Variants in CAMTA1 observed in about 807,000 individuals in gnomAD.
CAMTA1 encodes calmodulin-binding transcription activator 1.
Under a neutral mutation model 170.9 loss-of-function variants are expected in CAMTA1, and 27 were observed. The observed-to-expected ratio is 0.16, with a 90% CI of 0.12 to 0.22. The LOEUF is 0.22. Ranked by LOEUF, CAMTA1 falls within the 10% of genes least tolerant of loss-of-function variation. The pLI is 1.00. For missense variants in CAMTA1, 1,619 were observed against 2,217.2 expected (o/e 0.73, Z 5.42); for synonymous variants, 833 against 891.5 (o/e 0.93, Z 1.17).
chr1:7,714,078 A>G (rs1377503700), intron 11 of CAMTA1, among the ~76,000 whole-genome samples: 1 of 152,188 alleles, frequency 6.6e-6, no homozygotes, highest in African/African-American at 2.4e-5. Context: ...GAAAGATATT[A>G]TCTATGCAAG....
chr1:7,352,026 A>G (rs2084714106), intron 5 of CAMTA1, among the ~76,000 whole-genome samples: 1 of 151,632 alleles, frequency 6.6e-6, no homozygotes. Flanking sequence ...CCATCGGGAA[A>G]GCGCCAGGTC....
chr1:7,720,985 T>C (rs2096646094), intron 11 of CAMTA1, among the ~76,000 whole-genome samples: 1 of 152,222 alleles, frequency 6.6e-6, no homozygotes, highest in Non-Finnish European at 1.5e-5. Flanking sequence ...GAGCGGAGGC[T>C]GCTCAGGGTT....
chr1:7,250,906 C>A (rs923242022), intron 5 of CAMTA1, among the ~76,000 whole-genome samples: 1 of 152,166 alleles, frequency 6.6e-6, no homozygotes, highest in Non-Finnish European at 1.5e-5. Context: ...TCTGGGCGCA[C>A]CTCTAGGACG....
intron 6 of CAMTA1, among the ~76,000 whole-genome samples, chr1:7,511,867 AT>A (rs2094206166): frequency 6.6e-6 from 1 of 152,158 alleles, no homozygotes; most frequent in African/African-American, 2.4e-5. Context: ...CTAATACACC[AT>A]CCCCTGGGAG....
Position 7,745,923 on chromosome 1 carries a change from T to C in CAMTA1, c.4449T>C (p.Ala1483=). The C allele has an allele frequency of 6.2e-7, 1 of 1,614,204 alleles. No individual in the cohort carries two copies. The highest frequency in any genetic ancestry group is 1.1e-5 in the South Asian group (1 of 91,076). ...TTGGCTCTCCCGTCAGTGAAATCGCTTTCGAGAAACCTAACCTTCCCTCCG... is the reference window on the plus strand; with the variant it reads ...TTGGCTCTCCCGTCAGTGAAATCGCCTTCGAGAAACCTAACCTTCCCTCCG... ...SPVGSPVSEI[A]FEKPNLPSAA... Residue 1483 remains alanine (A), a synonymous_variant, in exon 18 of 23, where the codon GCT becomes GCC. Transcript: ENST00000303635.
rs1323024662 is a variant in CAMTA1, at chr1:6,820,222, T to C, written c.87T>C (p.Cys29=). 6.2e-7 allele frequency: 1 copy of C among 1,613,674 alleles called. No homozygotes were observed. Among genetic ancestry groups the C allele is most frequent in the Non-Finnish European group, 8.5e-7 (1 of 1,179,556 alleles). Residue 29 remains cysteine (C), a synonymous_variant, in exon 2 of 23, where the codon TGT becomes TGC. Transcript: ENST00000303635. The part of the protein sequence containing the change: ...QSVFCGTSTY[C]VLNTVPPIED... Reference sequence around the variant, plus strand: ...TATTCTGCGGAACTAGCACCTACTGTGTTCTCAACACCGTGCCACCTATAG... The same window carrying C: ...TATTCTGCGGAACTAGCACCTACTGCGTTCTCAACACCGTGCCACCTATAG...
chr1:6,867,260 G>GA (rs201479945), intron 3 of CAMTA1, among the ~76,000 whole-genome samples: 8 of 150,104 alleles, frequency 5.3e-5, no homozygotes, highest in East Asian at 1.9e-4. Context: ...TGTTTTTAGG[G>GA]AAAAAAAAAG....
intron 4 of CAMTA1, among the ~76,000 whole-genome samples, chr1:7,111,509 A>G (rs764499868): frequency 2.0e-5 from 3 of 152,210 alleles, no homozygotes; most frequent in African/African-American, 4.8e-5. Context: ...TAACTCTGCC[A>G]TCTGTGAGTT....
At chr1:6,922,538 C>T (rs1330392852) in intron 3 of CAMTA1, among the ~76,000 whole-genome samples, 1 of 152,188 alleles carries the variant, frequency 6.6e-6, no homozygotes, top group Non-Finnish European at 1.5e-5. Flanking sequence ...ATCCCTTTCT[C>T]CATGTGGTTT....
At chr1:6,968,217 C>T (rs1363293771) in intron 3 of CAMTA1, among the ~76,000 whole-genome samples, 1 of 152,116 alleles carries the variant, frequency 6.6e-6, no homozygotes. Context: ...TTAATGTGGC[C>T]CCGGGTGTGT....
intron 1 of CAMTA1, among the ~76,000 whole-genome samples, chr1:6,802,221 C>T (rs1290981503): frequency 6.6e-6 from 1 of 152,174 alleles, no homozygotes; most frequent in Admixed American, 6.5e-5. Context: ...ATGTAGCTTC[C>T]TTGCTTGAGT....
chr1:7,625,934 T>C (rs764619709), intron 6 of CAMTA1, among the ~76,000 whole-genome samples: 7 of 152,140 alleles, frequency 4.6e-5, no homozygotes, highest in Non-Finnish European at 7.4e-5. Context: ...CAGGAGCCAC[T>C]GGAGAAAGGA....
chr1:7,662,269 C>T (rs955041637), intron 8 of CAMTA1, among the ~76,000 whole-genome samples: 6 of 152,214 alleles, frequency 3.9e-5, no homozygotes, highest in Non-Finnish European at 7.3e-5. Flanking sequence ...ACCACGCAGG[C>T]GCAACCTCTT....
rs959158768 is a variant in CAMTA1 at position 7,150,182 on chromosome 1, G to A, written c.302+58811G>A. ...AGGTGTGGTCAGAGTGCCTGGACCC[G>A]CATCGCCCTTTGCCTCCCCAGCTGC... is the stretch of plus-strand genomic sequence containing the variant. On this transcript the variant is annotated intron_variant, in intron 4 of 22. Coordinates refer to ENST00000303635, the MANE Select transcript of CAMTA1 (RefSeq NM_015215.4). Among the ~76,000 whole-genome samples the A allele has an allele frequency of 2.6e-5, 4 of 152,314 alleles. No individual in the cohort carries two copies. In the East Asian group the frequency reaches 5.8e-4, roughly 22 times the overall value.
intron 3 of CAMTA1, among the ~76,000 whole-genome samples, chr1:6,910,067 G>T (rs1679373866): frequency 6.6e-6 from 1 of 152,228 alleles, no homozygotes; most frequent in African/African-American, 2.4e-5. Context: ...ATCCTTGTTT[G>T]CTTTTGGCTT....
intron 7 of CAMTA1, among the ~76,000 whole-genome samples, chr1:7,646,228 G>A (rs2095802807): frequency 6.7e-6 from 1 of 150,278 alleles, no homozygotes; most frequent in Admixed American, 6.6e-5. Context: ...AGGCTATGGT[G>A]AGTTGGGTGG....
At chr1:7,600,294 G>C (rs917808151) in intron 6 of CAMTA1, among the ~76,000 whole-genome samples, 3 of 148,102 alleles carry the variant, frequency 2.0e-5, no homozygotes, top group Non-Finnish European at 3.0e-5. Context: ...ATGAAGCCCA[G>C]TTGATCATGG....
At chr1:7,106,231 G>T (rs1286268544) in intron 4 of CAMTA1, among the ~76,000 whole-genome samples, 1 of 151,388 alleles carries the variant, frequency 6.6e-6, no homozygotes, top group African/African-American at 2.4e-5. Context: ...TAATGCCTGG[G>T]GATACACTGA....
chr1:7,362,197 C>A (rs1405332163), intron 5 of CAMTA1, among the ~76,000 whole-genome samples: 1 of 152,210 alleles, frequency 6.6e-6, no homozygotes, highest in African/African-American at 2.4e-5. Flanking sequence ...ACTAGCATTT[C>A]TCTTATGATT....
Sources: gnomAD v4.1 joint callset for allele counts (sites outside exome capture counted in the v4.1 genomes callset) on GRCh38, gnomAD v4.1.1 for gene constraint, MANE v1.5 for transcripts, NCBI Gene and HGNC (gene_info 2026-07-23, HGNC 2026-07-21) for gene names.